ZFPM2: variants seen among roughly 807,000 people sequenced by gnomAD.
The protein encoded by ZFPM2 is zinc finger protein ZFPM2.
Under a neutral mutation model 98.6 loss-of-function variants are expected in ZFPM2, and 20 were observed. That is an observed-to-expected ratio of 0.20 (90% confidence interval 0.14 to 0.29). The LOEUF (loss-of-function observed/expected upper bound fraction) is 0.29, where lower values mean the gene tolerates loss of function less well. Ranked by LOEUF, ZFPM2 falls within the 10% of genes least tolerant of loss-of-function variation. The probability of loss-of-function intolerance (pLI) is 1.00; values close to 1 mark genes in which losing one functional copy is unlikely to be tolerated. For missense variants in ZFPM2, 1,310 were observed against 1,388.6 expected (o/e 0.94, Z 0.90); for synonymous variants, 518 against 502.7 (o/e 1.03, Z -0.41).
chr8:105,470,055 A>G (rs555704462), intron 3 of ZFPM2, among the ~76,000 whole-genome samples: 1 of 152,346 alleles, frequency 6.6e-6, no homozygotes, highest in African/African-American at 2.4e-5. Context: ...CCATGAGTGT[A>G]AAAGCTATGT....
intron 4 of ZFPM2, among the ~76,000 whole-genome samples, chr8:105,592,804 G>A (rs964214400): frequency 6.6e-5 from 10 of 152,068 alleles, no homozygotes; most frequent in Admixed American, 3.3e-4. Flanking sequence ...ATTATCTCCC[G>A]CCTCACATTT....
intron 4 of ZFPM2, among the ~76,000 whole-genome samples, chr8:105,603,680 A>G (rs1394064021): frequency 6.6e-6 from 1 of 152,098 alleles, no homozygotes; most frequent in Non-Finnish European, 1.5e-5. Flanking sequence ...TCCTAGCTGT[A>G]GTACTCATTA....
At chr8:105,779,431 T>C (rs1238433397) in intron 5 of ZFPM2, among the ~76,000 whole-genome samples, 1 of 152,214 alleles carries the variant, frequency 6.6e-6, no homozygotes, top group Non-Finnish European at 1.5e-5. Context: ...GAAACATGTA[T>C]AGACATAACA....
In ZFPM2 at chr8:105,802,344, A is replaced by C. The variant is rs369014203; in HGVS notation, c.2262A>C (p.Pro754=). Reference sequence around the variant, plus strand: ...TACCTGAGCAGGAACAAAGGCCTCCACTGGTTCAGCAGAGATTTCTTGACG... The same window carrying C: ...TACCTGAGCAGGAACAAAGGCCTCCCCTGGTTCAGCAGAGATTTCTTGACG... ...MCLPEQEQRP[P]LVQQRFLDVA... The change falls in exon 8 of 8, where the codon CCA becomes CCC. Residue 754 remains proline (P), a synonymous_variant. Transcript: ENST00000407775. 1 of 1,613,814 alleles carries C rather than the reference A, an allele frequency of 6.2e-7. No homozygotes were observed. The highest frequency in any genetic ancestry group is 8.5e-7 in the Non-Finnish European group (1 of 1,179,852).
chr8:105,440,369 T>C lies in ZFPM2; in HGVS notation c.200-3911T>C, dbSNP rs529108489. Among the ~76,000 whole-genome samples, 5 of 152,338 alleles carry C rather than the reference T, an allele frequency of 3.3e-5. No individual in the cohort carries two copies. The South Asian group carries it at 8.3e-4, about 25-fold the overall frequency. On this transcript the variant is annotated intron_variant, in intron 2 of 7. Coordinates refer to ENST00000407775, the MANE Select transcript of ZFPM2 (RefSeq NM_012082.4). The stretch of plus-strand genomic sequence containing the variant: ...TTTTTAAAATACATTTTTGGTTTTT[T>C]TTTTAGTTTATGAAATCAGTTATTA...
intron 1 of ZFPM2, among the ~76,000 whole-genome samples, chr8:105,402,576 A>G (rs1454022239): frequency 5.9e-5 from 9 of 151,990 alleles, no homozygotes; most frequent in Non-Finnish European, 4.4e-5. Context: ...CCTATTCTCT[A>G]TTAATCTAAT....
intron 4 of ZFPM2, among the ~76,000 whole-genome samples, chr8:105,604,036 C>G (rs576846226): frequency 1.3e-5 from 2 of 152,156 alleles, no homozygotes; most frequent in East Asian, 3.9e-4. Flanking sequence ...CCGCCCGAAT[C>G]TCTCATCTGA....
At chr8:105,330,616 A>G (rs1472215656) in intron 1 of ZFPM2, among the ~76,000 whole-genome samples, 48 of 59,658 alleles carry the variant, frequency 8.0e-4, no homozygotes, top group Admixed American at 2.3e-3. Flanking sequence ...ATATACACAT[A>G]TATATATATA....
intron 3 of ZFPM2, among the ~76,000 whole-genome samples, chr8:105,471,217 G>A (rs751550531): frequency 3.9e-5 from 6 of 152,080 alleles, no homozygotes; most frequent in East Asian, 1.9e-4. Context: ...GCTTCAGGAC[G>A]GAGTTGGACA....
At chr8:105,433,988 A>T (rs1246971181) in intron 2 of ZFPM2, among the ~76,000 whole-genome samples, 1 of 152,178 alleles carries the variant, frequency 6.6e-6, no homozygotes, top group Non-Finnish European at 1.5e-5. Flanking sequence ...ATTTTGTCAG[A>T]TAGGAAAGCC....
intron 5 of ZFPM2, among the ~76,000 whole-genome samples, chr8:105,764,983 CAGTT>C (rs897801109): frequency 1.3e-5 from 2 of 151,752 alleles, no homozygotes; most frequent in Non-Finnish European, 2.9e-5. Flanking sequence ...TGATTTAAAA[CAGTT>C]AGTACTAAGT....
At chr8:105,773,724 C>A (rs1210717728) in intron 5 of ZFPM2, among the ~76,000 whole-genome samples, 3 of 150,544 alleles carry the variant, frequency 2.0e-5, no homozygotes, top group Non-Finnish European at 4.4e-5. Context: ...AACAAAACCC[C>A]CCACCACCAT....
chr8:105,505,760 T>C (rs1813686337), intron 3 of ZFPM2, among the ~76,000 whole-genome samples: 1 of 152,094 alleles, frequency 6.6e-6, no homozygotes, highest in African/African-American at 2.4e-5. Context: ...GAGATATATA[T>C]AGCCAATTTA....
chr8:105,537,438 G>C (rs749638355), intron 3 of ZFPM2, among the ~76,000 whole-genome samples: 9 of 152,166 alleles, frequency 5.9e-5, no homozygotes, highest in Non-Finnish European at 1.3e-4. Context: ...GGACTTGAGA[G>C]GCTGAGGTGA....
intron 3 of ZFPM2, among the ~76,000 whole-genome samples, chr8:105,538,112 T>C (rs1814496479): frequency 6.6e-6 from 1 of 152,184 alleles, no homozygotes; most frequent in African/African-American, 2.4e-5. Context: ...TTGGTAATGA[T>C]ATTGAATTCA....
intron 5 of ZFPM2, among the ~76,000 whole-genome samples, chr8:105,636,794 G>A (rs1054120934): frequency 1.6e-4 from 24 of 152,160 alleles, no homozygotes; most frequent in Non-Finnish European, 5.9e-5. Context: ...GTTTTAACCT[G>A]TAAAGGGTAA....
intron 3 of ZFPM2, among the ~76,000 whole-genome samples, chr8:105,509,275 T>G (rs557803593): frequency 1.3e-5 from 2 of 152,204 alleles, no homozygotes; most frequent in African/African-American, 4.8e-5. Context: ...CAGGTCAGGG[T>G]GGAGGCACTT....
At chr8:105,583,450 A>T (rs1394067860) in intron 4 of ZFPM2, among the ~76,000 whole-genome samples, 1 of 152,208 alleles carries the variant, frequency 6.6e-6, no homozygotes, top group Non-Finnish European at 1.5e-5. Flanking sequence ...TAGAGCAACA[A>T]ATCTATAGCA....
chr8:105,393,925 G>T (rs542369176), intron 1 of ZFPM2, among the ~76,000 whole-genome samples: 3 of 141,408 alleles, frequency 2.1e-5, no homozygotes, highest in African/African-American at 5.3e-5. Context: ...ATGGAGTCTC[G>T]CTCTGTCACC....
Sources: gnomAD v4.1 joint callset for allele counts (sites outside exome capture counted in the v4.1 genomes callset) on GRCh38, gnomAD v4.1.1 for gene constraint, MANE v1.5 for transcripts, NCBI Gene and HGNC (gene_info 2026-07-23, HGNC 2026-07-21) for gene names.